The following EXOC2 variants were observed in gnomAD, a reference collection of about 807,000 sequenced individuals.
EXOC2 encodes the protein exocyst complex component 2, also known as SEC5-like 1.
In EXOC2, 70 loss-of-function variants were observed where a neutral mutation model predicts 131.8. That is an observed-to-expected ratio of 0.53 (90% CI 0.44 to 0.65). The LOEUF is 0.65. Among genes scored for constraint, EXOC2 ranks in the 30% least tolerant of loss-of-function variants. EXOC2 has a pLI of 0.00. For missense variants in EXOC2, 923 were observed against 1,108.6 expected, an observed-to-expected ratio of 0.83 and a Z score of 2.38; for synonymous variants, 411 against 398.4, an observed-to-expected ratio of 1.03 and a Z score of -0.38.
At chr6:522,055 C>T (rs911848559) in intron 23 of EXOC2, among the ~76,000 whole-genome samples, 1 of 152,174 alleles carries the variant, frequency 6.6e-6, no homozygotes, top group Non-Finnish European at 1.5e-5. Context: ...AAGGCATTAG[C>T]TAATCAACTA....
At chr6:536,754 A>T (rs888030215) in intron 22 of EXOC2, among the ~76,000 whole-genome samples, 2 of 152,352 alleles carry the variant, frequency 1.3e-5, no homozygotes, top group Middle Eastern at 3.4e-3. Context: ...AATATTCAGG[A>T]CATTGAAGCA....
rs569831486 is a variant in EXOC2, at chr6:513,253, G to A, written c.2381-13553C>T. Among the ~76,000 whole-genome samples, 23 of 152,366 alleles carry A rather than the reference G, an allele frequency of 1.5e-4. No homozygotes were observed. In the East Asian group the frequency reaches 4.2e-3, roughly 28 times the overall value. On this transcript the variant is annotated intron_variant, in intron 23 of 27. Coordinates refer to ENST00000230449, the MANE Select transcript of EXOC2 (RefSeq NM_018303.6). ...CCACGTGCCGTACCAAGAGCACGGC[G>A]TGGTCACCCACGGTTTACGTGCAGT...
chr6:656,558 C>T (rs927160848), intron 1 of EXOC2: 1 of 1,594,242 alleles, frequency 6.3e-7, no homozygotes, highest in African/African-American at 1.3e-5. Context: ...GCAGATCGTG[C>T]ACCACGCTGC....
At chr6:660,164 C>T (rs1345332111) in intron 1 of EXOC2, among the ~76,000 whole-genome samples, 12 of 150,384 alleles carry the variant, frequency 8.0e-5, no homozygotes, top group Non-Finnish European at 1.6e-4. Flanking sequence ...CCCCATCCCC[C>T]AAGACCCACC....
chr6:672,853 A>C (rs1181640877), intron 1 of EXOC2, among the ~76,000 whole-genome samples: 1 of 147,680 alleles, frequency 6.8e-6, no homozygotes, highest in African/African-American at 2.6e-5. Context: ...TTCAATATTT[A>C]CATAAGTAAG....
At chr6:490,464 A>AG (rs1763367048) in intron 26 of EXOC2, among the ~76,000 whole-genome samples, 1 of 152,226 alleles carries the variant, frequency 6.6e-6, no homozygotes, top group Admixed American at 6.5e-5. Flanking sequence ...TTCATTGGTT[A>AG]GGAAAAAATG....
At chr6:497,198 T>C (rs188438130) in intron 25 of EXOC2, among the ~76,000 whole-genome samples, 169 bp downstream of exon 25, 5 of 152,360 alleles carry the variant, frequency 3.3e-5, no homozygotes, top group Admixed American at 2.6e-4. Context: ...ACTCTGAAAC[T>C]TGTAGACAAT....
chr6:603,752 G>A (rs1631515), intron 7 of EXOC2, among the ~76,000 whole-genome samples: 13,605 of 152,032 alleles, frequency 0.089, 1,040 homozygotes, highest in African/African-American at 0.21. Flanking sequence ...TTTTGCACGT[G>A]GTACTTGGGT....
intron 13 of EXOC2, among the ~76,000 whole-genome samples, chr6:570,165 G>A (rs1029105270): frequency 6.7e-4 from 94 of 140,668 alleles, no homozygotes; most frequent in Middle Eastern, 4.0e-3. Context: ...ACGGAGTCTC[G>A]CGCTGTCGCC....
chr6:621,821 G>A (rs1761308458), intron 4 of EXOC2, among the ~76,000 whole-genome samples: 1 of 152,148 alleles, frequency 6.6e-6, no homozygotes, highest in East Asian at 1.9e-4. Flanking sequence ...AGTTTATTTT[G>A]GTTTGGATTC....
chr6:575,525 G>GCTCCCTCTCCATCCTCTCCCTCA lies in EXOC2; in HGVS notation c.1318+1231_1318+1232insTGAGGGAGAGGATGGAGAGGGAG, dbSNP rs1561876860. ...TCGCTCCCTCTCCATCCTCTCCCTC[G>GCTCCCTCTCCATCCTCTCCCTCA]CTCCATCTCCTGCCATGCGACATGC... On this transcript the variant is annotated intron_variant, in intron 12 of 27. Coordinates refer to ENST00000230449, the MANE Select transcript of EXOC2 (RefSeq NM_018303.6). Among the ~76,000 whole-genome samples, 297 of 150,918 alleles carry GCTCCCTCTCCATCCTCTCCCTCA rather than the reference G, an allele frequency of 2.0e-3. 2 individuals carry two copies. Among genetic ancestry groups the GCTCCCTCTCCATCCTCTCCCTCA allele is most frequent in the African/African-American group, 6.9e-3 (285 of 41,032 alleles).
At chr6:489,148 G>A (rs1312100218) in intron 26 of EXOC2, 110 bp from the exon 27 acceptor site, 8 of 969,986 alleles carry the variant, frequency 8.2e-6, no homozygotes, top group Non-Finnish European at 1.1e-5. Context: ...AGTGAAGCAA[G>A]GAAATATGAG....
In EXOC2 at chr6:564,701, T is replaced by G; in HGVS notation, c.1511A>C (p.Lys504Thr). 1 of 1,587,122 alleles carries G rather than the reference T, an allele frequency of 6.3e-7. No individual in the cohort carries two copies. The highest frequency in any genetic ancestry group is 8.6e-7 in the Non-Finnish European group (1 of 1,166,168). Residue 504 changes from lysine to threonine, a missense_variant and splice_region_variant, in exon 15 of 28, where the codon AAA becomes ACA. Transcript: ENST00000230449. The part of the protein sequence containing the change: ...NVRQRQNDFK[K>T]MIQEVMHSLV... ...GGAGTGCATTACTTCCTGAATCATT[T>G]TCTAGAAAACCAGGAACAAGCATAA...
At chr6:553,961 C>T in intron 20 of EXOC2, 41 bp from the exon 21 acceptor site, 2 of 1,513,242 alleles carry the variant, frequency 1.3e-6, no homozygotes, top group Non-Finnish European at 1.8e-6. Flanking sequence ...AAATAAAGCA[C>T]TCAAATTCAA....
At position 486,493 on chromosome 6, in the gene EXOC2, C is replaced by T; in HGVS notation, c.*178G>A. On this transcript the variant is annotated 3_prime_UTR_variant, in exon 28 of 28. Coordinates refer to ENST00000230449, the MANE Select transcript of EXOC2 (RefSeq NM_018303.6). ...AATGGCAAAACAAATACTTCCTGGGCATTTCAAATGAGGTCATTTTGGTTG... is the reference window on the plus strand; with the variant it reads ...AATGGCAAAACAAATACTTCCTGGGTATTTCAAATGAGGTCATTTTGGTTG... 1.8e-6 allele frequency: 1 copy of T among 564,672 alleles called. No individual in the cohort carries two copies. Among genetic ancestry groups the T allele is most frequent in the Non-Finnish European group, 3.2e-6 (1 of 315,820 alleles). The allele number at this position is 564,672 out of a possible 1,614,324, so 35.0% of individuals were successfully genotyped here. A position where few individuals can be genotyped will look rare whatever the true frequency, so the allele number is the denominator to read the frequency against.
In EXOC2 at chr6:638,452, T is replaced by G. The variant is rs9504550; in HGVS notation, c.-43-591A>C. Among the ~76,000 whole-genome samples, 401 of 152,332 alleles carry G rather than the reference T, an allele frequency of 2.6e-3. 1 individual carries two copies. The highest frequency in any genetic ancestry group is 9.3e-3 in the African/African-American group (385 of 41,572). On this transcript the variant is annotated intron_variant, in intron 1 of 27. Transcript: ENST00000230449. ...TATAACAGAGGAGGGAAAAGTGTAG[T>G]TTCTGAGACCAGGTAGACTTGTGTT...
intron 23 of EXOC2, among the ~76,000 whole-genome samples, chr6:520,760 ACATGAAAACCACCACCCACC>A: frequency 2.1e-5 from 3 of 141,592 alleles, no homozygotes; most frequent in African/African-American, 2.8e-5. Flanking sequence ...CCACACTCGG[ACATGAAAACCACCACCCACC>A]GAGCACCAAC....
At chr6:559,855 A>G (rs2127579721) in intron 17 of EXOC2, among the ~76,000 whole-genome samples, 1 of 152,324 alleles carries the variant, frequency 6.6e-6, no homozygotes, top group African/African-American at 2.4e-5. Flanking sequence ...AATTGATGGC[A>G]GATTTTAAGA....
intron 6 of EXOC2, among the ~76,000 whole-genome samples, chr6:613,846 C>T (rs1308956213): frequency 1.3e-5 from 2 of 151,590 alleles, no homozygotes; most frequent in Non-Finnish European, 2.9e-5. Flanking sequence ...CAAACCTGCA[C>T]GTTGTGCACA....
Sources: allele counts gnomAD v4.1 joint callset (sites outside exome capture counted in the v4.1 genomes callset), GRCh38; gene constraint gnomAD v4.1.1; transcripts MANE v1.5; gene names NCBI Gene and HGNC (gene_info 2026-07-23, HGNC 2026-07-21).